The following ADH1C variants were observed in gnomAD, a reference collection of about 807,000 sequenced individuals.
The protein encoded by ADH1C is alcohol dehydrogenase 1C (class I), gamma polypeptide.
ADH1C carries 26 observed loss-of-function variants against 35.0 expected under a neutral mutation model. The observed-to-expected ratio is 0.74, with a 90% CI of 0.54 to 1.03. The LOEUF (loss-of-function observed/expected upper bound fraction) is 1.03. Ranked by LOEUF, ADH1C falls within the 50% of genes least tolerant of loss-of-function variation. The pLI, the probability that ADH1C is intolerant of heterozygous loss-of-function variation, is 0.00. For synonymous variants in ADH1C, 170 were observed against 169.3 expected (o/e 1.00, Z -0.03); for missense variants, 413 against 465.4 (o/e 0.89, Z 1.04).
chr4:99,336,857 G>C (rs1734289460), intron 8 of ADH1C, 81 bp from the exon 9 acceptor site: 1 of 1,584,732 alleles, frequency 6.3e-7, no homozygotes. Context: ...GAGTATTTGA[G>C]GTGACTTAGT....
chr4:99,340,120 G>A (rs1734377957), intron 7 of ADH1C, among the ~76,000 whole-genome samples: 1 of 152,184 alleles, frequency 6.6e-6, no homozygotes, highest in African/African-American at 2.4e-5. Flanking sequence ...CATCAGAAAA[G>A]TCTATCTTGG....
At chr4:99,351,799 T>C (rs1009696471) in intron 1 of ADH1C, among the ~76,000 whole-genome samples, 3 of 152,240 alleles carry the variant, frequency 2.0e-5, no homozygotes, top group Non-Finnish European at 2.9e-5. Flanking sequence ...CTGGAAATAG[T>C]TGCACAGATT....
intron 6 of ADH1C, among the ~76,000 whole-genome samples, chr4:99,341,059 T>C (rs954142600): frequency 1.3e-5 from 2 of 152,238 alleles, no homozygotes; most frequent in Non-Finnish European, 2.9e-5. Flanking sequence ...TCCTTTTTCA[T>C]TGATTTATTA....
At chr4:99,342,698 T>C (rs1047089889) in intron 6 of ADH1C, 97 bp downstream of exon 6, 1 of 1,525,112 alleles carries the variant, frequency 6.6e-7, no homozygotes, top group Non-Finnish European at 8.8e-7. Context: ...CATTCATCAT[T>C]AAAAATATCC....
At position 99,345,056 on chromosome 4, in the gene ADH1C, G is replaced by T. The variant is rs1734498805; in HGVS notation, c.373C>A (p.Gln125Lys). ...NDLGNPRGTL[Q>K]DGTRRFTCSG... ...CAGGTGAACCTCCTGGTGCCATCCT[G>T]CAGGGTCCCCCGAGGATTGCCTAGA... The change falls in exon 5 of 9, where the codon CAG becomes AAG. Residue 125 changes from glutamine to lysine, a missense_variant. Coordinates refer to ENST00000515683, the MANE Select transcript of ADH1C (RefSeq NM_000669.5). 1 of 1,614,084 alleles carries T rather than the reference G, an allele frequency of 6.2e-7. No individual in the cohort carries two copies. Among genetic ancestry groups the T allele is most frequent in the Non-Finnish European group, 8.5e-7 (1 of 1,180,030 alleles).
intron 8 of ADH1C, 48 bp downstream of exon 8, chr4:99,339,529 C>CCCCCCCT: frequency 9.8e-7 from 1 of 1,017,558 alleles, no homozygotes; most frequent in Non-Finnish European, 1.4e-6. Flanking sequence ...CCCCCCCCGC[C>CCCCCCCT]GCTACTGTAG....
chr4:99,342,583 CG>C (rs1231420975), intron 6 of ADH1C, among the ~76,000 whole-genome samples: 1 of 151,714 alleles, frequency 6.6e-6, no homozygotes, highest in African/African-American at 2.4e-5. Flanking sequence ...TTTCTTTTCT[CG>C]AGGAAATATG....
At chr4:99,346,311 A>G (rs868620046) in intron 3 of ADH1C, among the ~76,000 whole-genome samples, 2 of 152,260 alleles carry the variant, frequency 1.3e-5, no homozygotes, top group South Asian at 4.1e-4. Context: ...ATATTAATAC[A>G]TAATAAGATT....
intron 1 of ADH1C, 133 bp from the exon 2 acceptor site, chr4:99,347,979 T>C: frequency 1.1e-6 from 1 of 947,516 alleles, no homozygotes; most frequent in Non-Finnish European, 1.6e-6. Context: ...AGAAATGAAG[T>C]CCTCTGGTTT....
At chr4:99,343,843 G>A (rs901731111) in intron 5 of ADH1C, among the ~76,000 whole-genome samples, 4 of 152,100 alleles carry the variant, frequency 2.6e-5, no homozygotes, top group Admixed American at 1.3e-4. Context: ...ATTGGCTAGC[G>A]GTTATTTACT....
chr4:99,345,107 C>T (rs563584021), intron 4 of ADH1C, 26 bp from the exon 5 acceptor site: 1 of 1,614,138 alleles, frequency 6.2e-7, no homozygotes, highest in South Asian at 1.1e-5. Flanking sequence ...CAAAGACACA[C>T]AAAGGCATGA....
At chr4:99,349,601 T>G (rs1197941131) in intron 1 of ADH1C, among the ~76,000 whole-genome samples, 1 of 152,196 alleles carries the variant, frequency 6.6e-6, no homozygotes, top group Non-Finnish European at 1.5e-5. Context: ...CCTTCCTGCT[T>G]AGGATGATGT....
chr4:99,350,676 A>G (rs1734655979), intron 1 of ADH1C, among the ~76,000 whole-genome samples: 1 of 152,194 alleles, frequency 6.6e-6, no homozygotes, highest in Non-Finnish European at 1.5e-5. Flanking sequence ...TATTTTTGCA[A>G]TTGCAAATTG....
chr4:99,344,086 CAGG>C (rs1377676803), intron 5 of ADH1C, among the ~76,000 whole-genome samples: 7 of 152,154 alleles, frequency 4.6e-5, no homozygotes, highest in African/African-American at 1.4e-4. Context: ...TGACATTCAG[CAGG>C]AGATTTGTAA....
At chr4:99,343,224 G>T (rs773290530) in intron 5 of ADH1C, among the ~76,000 whole-genome samples, 169 bp from the exon 6 acceptor site, 3 of 152,134 alleles carry the variant, frequency 2.0e-5, no homozygotes, top group Non-Finnish European at 4.4e-5. Flanking sequence ...AAATTCAAGG[G>T]GTTGAATTAG....
chr4:99,350,004 T>A (rs1304116967), intron 1 of ADH1C, among the ~76,000 whole-genome samples: 1 of 152,226 alleles, frequency 6.6e-6, no homozygotes, highest in Non-Finnish European at 1.5e-5. Flanking sequence ...TTCACTGAGC[T>A]CTTTCTTTAC....
intron 8 of ADH1C, 67 bp downstream of exon 8, chr4:99,339,510 A>ACCC (rs1560535795): frequency 3.4e-6 from 3 of 894,668 alleles, no homozygotes; most frequent in South Asian, 3.7e-5. Context: ...CTGCTAGACA[A>ACCC]CGCCCCCCCC....
chr4:99,346,046 C>A (rs1300538411), intron 3 of ADH1C, among the ~76,000 whole-genome samples: 2 of 152,110 alleles, frequency 1.3e-5, no homozygotes, highest in Admixed American at 1.3e-4. Flanking sequence ...GGAAATAGAG[C>A]TAAAACTCAA....
In ADH1C at chr4:99,342,937, T is replaced by C; in HGVS notation, c.686A>G (p.Lys229Arg). Residue 229 changes from lysine to arginine, a missense_variant, in exon 6 of 9, where the codon AAA becomes AGA. Coordinates refer to ENST00000515683, the MANE Select transcript of ADH1C (RefSeq NM_000669.5). ...RIIAVDINKD[K>R]FAKAKELGAT... Reference sequence around the variant, plus strand: ...ACCCAACTCTTTAGCCTTTGCAAATTTGTCCTTGTTGATGTCCACAGCAAT... The same window carrying C: ...ACCCAACTCTTTAGCCTTTGCAAATCTGTCCTTGTTGATGTCCACAGCAAT... The C allele has an allele frequency of 6.2e-7, 1 of 1,614,156 alleles. No homozygotes were observed. Among genetic ancestry groups the C allele is most frequent in the Non-Finnish European group, 8.5e-7 (1 of 1,180,032 alleles).
Sources: gnomAD v4.1 joint callset for allele counts (sites outside exome capture counted in the v4.1 genomes callset) on GRCh38, gnomAD v4.1.1 for gene constraint, MANE v1.5 for transcripts, NCBI Gene and HGNC (gene_info 2026-07-23, HGNC 2026-07-21) for gene names.